The following NKAIN2 variants were observed in gnomAD, a reference collection of about 807,000 sequenced individuals.
The protein encoded by NKAIN2 is sodium/potassium-transporting ATPase subunit beta-1-interacting protein 2.
Under a neutral mutation model 32.6 loss-of-function variants are expected in NKAIN2, and 14 were observed. The observed-to-expected ratio is 0.43, with a 90% CI of 0.28 to 0.67. The LOEUF (loss-of-function observed/expected upper bound fraction) is 0.67. Among genes scored for constraint, NKAIN2 ranks in the 30% least tolerant of loss-of-function variants. The pLI is 0.17. For missense variants in NKAIN2, 198 were observed against 258.3 expected (o/e 0.77, Z 1.60); for synonymous variants, 80 against 87.2 (o/e 0.92, Z 0.46).
At chr6:124,393,284 C>T (rs565202276) in intron 3 of NKAIN2, among the ~76,000 whole-genome samples, 2 of 151,824 alleles carry the variant, frequency 1.3e-5, no homozygotes, top group African/African-American at 4.8e-5. Flanking sequence ...ACACAATGGC[C>T]CAATACGTAA....
chr6:123,872,622 A>G (rs1253205084), intron 1 of NKAIN2, among the ~76,000 whole-genome samples: 1 of 152,254 alleles, frequency 6.6e-6, no homozygotes, highest in Non-Finnish European at 1.5e-5. Context: ...AAATTAGCTA[A>G]TAAGAACCCA....
At chr6:123,960,210 A>C (rs1381957765) in intron 1 of NKAIN2, among the ~76,000 whole-genome samples, 1 of 152,194 alleles carries the variant, frequency 6.6e-6, no homozygotes, top group African/African-American at 2.4e-5. Flanking sequence ...TACTGTTCAA[A>C]TTAAAGACAC....
At position 124,818,290 on chromosome 6, in the gene NKAIN2, T is replaced by G. The variant is rs935161112; in HGVS notation, c.536-97T>G. 5.7e-6 allele frequency: 3 copies of G among 524,492 alleles called. No individual in the cohort carries two copies. In the South Asian group the frequency reaches 1.1e-4, roughly 19 times the overall value. 32.5% of individuals were successfully genotyped at this position (524,492 alleles called of 1,614,324 possible). A position where few individuals can be genotyped will look rare whatever the true frequency, so the allele number is the denominator to read the frequency against. The stretch of plus-strand genomic sequence containing the variant: ...AGTTACTTTTAGAAGTTTAATAGAT[T>G]ATTACTAATAAAAGGTTTATTAGTA... On this transcript the variant is annotated intron_variant, in intron 5 of 6. Transcript: ENST00000368417.
At chr6:124,405,398 A>G (rs1213254969) in intron 3 of NKAIN2, among the ~76,000 whole-genome samples, 3 of 152,206 alleles carry the variant, frequency 2.0e-5, no homozygotes, top group Admixed American at 6.5e-5. Flanking sequence ...CTTAGAAACT[A>G]AGATTTCCTT....
At chr6:124,102,542 C>T (rs184529046) in intron 1 of NKAIN2, among the ~76,000 whole-genome samples, 1 of 152,218 alleles carries the variant, frequency 6.6e-6, no homozygotes, top group East Asian at 1.9e-4. Flanking sequence ...CAGTACAAGG[C>T]ATTTTCTTAT....
rs1234848634 is a variant in NKAIN2, at chr6:124,412,718, T to A, written c.273+57371T>A. On this transcript the variant is annotated intron_variant, in intron 3 of 6. Coordinates refer to ENST00000368417, the MANE Select transcript of NKAIN2 (RefSeq NM_001040214.3). ...TTCAAAGCTGTCAGACAGGGACATT[T>A]AAGTCTGCAGAGGTTACTGCTGTCT... Among the ~76,000 whole-genome samples the A allele has an allele frequency of 1.3e-5, 2 of 152,314 alleles. 1 individual carries two copies. Among genetic ancestry groups the A allele is most frequent in the Admixed American group, 1.3e-4 (2 of 15,304 alleles).
chr6:124,302,744 G>A (rs867562537), intron 2 of NKAIN2, among the ~76,000 whole-genome samples: 2 of 151,990 alleles, frequency 1.3e-5, no homozygotes, highest in South Asian at 2.1e-4. Context: ...GTAAGCTTGT[G>A]TACATTATTG....
intron 3 of NKAIN2, among the ~76,000 whole-genome samples, chr6:124,470,795 CAAG>C (rs955019607): frequency 2.0e-5 from 3 of 151,842 alleles, no homozygotes; most frequent in African/African-American, 2.4e-5. Flanking sequence ...AGCAAAAAAA[CAAG>C]AACAGAAACA....
intron 1 of NKAIN2, among the ~76,000 whole-genome samples, chr6:124,235,633 C>G (rs1327111733): frequency 6.7e-6 from 1 of 150,236 alleles, no homozygotes; most frequent in African/African-American, 2.4e-5. Context: ...GAGTCTCACT[C>G]TGTCACCCAG....
intron 1 of NKAIN2, among the ~76,000 whole-genome samples, chr6:124,091,599 T>C (rs546411415): frequency 2.6e-5 from 4 of 152,000 alleles, no homozygotes; most frequent in African/African-American, 9.7e-5. Context: ...TATCAAATTC[T>C]AAATTACTGA....
At chr6:124,512,850 G>C (rs898254625) in intron 3 of NKAIN2, among the ~76,000 whole-genome samples, 2 of 152,040 alleles carry the variant, frequency 1.3e-5, no homozygotes, top group Non-Finnish European at 2.9e-5. Context: ...CTGATAGGAG[G>C]GACGGTTAGT....
intron 1 of NKAIN2, among the ~76,000 whole-genome samples, chr6:124,270,829 G>T (rs560478960): frequency 6.6e-6 from 1 of 152,324 alleles, no homozygotes; most frequent in South Asian, 2.1e-4. Context: ...TATGGGAATA[G>T]ATTGGAACAT....
At chr6:123,885,353 A>G (rs1182328315) in intron 1 of NKAIN2, among the ~76,000 whole-genome samples, 1 of 152,124 alleles carries the variant, frequency 6.6e-6, no homozygotes, top group African/African-American at 2.4e-5. Flanking sequence ...TTTGATCTTT[A>G]TCTCTTATCA....
At chr6:124,118,074 G>T (rs1350063099) in intron 1 of NKAIN2, among the ~76,000 whole-genome samples, 1 of 151,942 alleles carries the variant, frequency 6.6e-6, no homozygotes, top group Non-Finnish European at 1.5e-5. Flanking sequence ...TTTCCTTCTT[G>T]TATTCTGGAG....
intron 1 of NKAIN2, among the ~76,000 whole-genome samples, chr6:123,831,901 G>C (rs1337408901): frequency 1.3e-5 from 2 of 152,060 alleles, no homozygotes; most frequent in Non-Finnish European, 2.9e-5. Flanking sequence ...TGATCCGCCC[G>C]CCTCGGCCTT....
chr6:124,780,530 G>A (rs1210087472), intron 4 of NKAIN2, among the ~76,000 whole-genome samples: 1 of 152,210 alleles, frequency 6.6e-6, no homozygotes, highest in Non-Finnish European at 1.5e-5. Context: ...AGCATGGCAT[G>A]TATAGTAGAG....
chr6:124,227,958 G>A (rs939112667), intron 1 of NKAIN2, among the ~76,000 whole-genome samples: 1 of 152,152 alleles, frequency 6.6e-6, no homozygotes, highest in Non-Finnish European at 1.5e-5. Context: ...AAATCAGGGT[G>A]CTAGCATGGT....
intron 1 of NKAIN2, among the ~76,000 whole-genome samples, chr6:124,212,652 A>G (rs2114665872): frequency 6.6e-6 from 1 of 152,214 alleles, no homozygotes; most frequent in East Asian, 1.9e-4. Flanking sequence ...ATATTTTTAA[A>G]CTTCAAATTT....
chr6:124,107,015 G>A (rs564726685), intron 1 of NKAIN2, among the ~76,000 whole-genome samples: 19 of 152,248 alleles, frequency 1.2e-4, no homozygotes, highest in Non-Finnish European at 1.8e-4. Flanking sequence ...AAGTGCCAAG[G>A]GTTCACAATT....
Sources: allele counts gnomAD v4.1 joint callset (sites outside exome capture counted in the v4.1 genomes callset), GRCh38; gene constraint gnomAD v4.1.1; transcripts MANE v1.5; gene names NCBI Gene and HGNC (gene_info 2026-07-23, HGNC 2026-07-21).